Variants in CMIP observed in about 807,000 individuals in gnomAD.
CMIP encodes the protein C-Maf-inducing protein.
A neutral mutation model predicts 97.3 loss-of-function variants in CMIP; 13 were observed. The ratio of observed to expected loss-of-function variants is 0.13; its 90% confidence interval spans 0.09 to 0.21. The LOEUF is 0.21. Ranked by LOEUF, CMIP falls within the 10% of genes least tolerant of loss-of-function variation. CMIP has a pLI of 1.00. For missense variants in CMIP, 847 were observed against 1,024.9 expected (o/e 0.83, Z 2.37); for synonymous variants, 538 against 436.3 (o/e 1.23, Z -2.91).
At chr16:81,513,975 C>T (rs1419665214) in intron 1 of CMIP, among the ~76,000 whole-genome samples, 2 of 152,134 alleles carry the variant, frequency 1.3e-5, no homozygotes, top group Non-Finnish European at 1.5e-5. Context: ...GTGTTTTGAC[C>T]CCAAAACAGA....
At chr16:81,524,490 G>A (rs1029742793) in intron 1 of CMIP, among the ~76,000 whole-genome samples, 1 of 152,252 alleles carries the variant, frequency 6.6e-6, no homozygotes, top group African/African-American at 2.4e-5. Flanking sequence ...AAGCTCGTGG[G>A]GTTATCTGGA....
chr16:81,673,158 A>C (rs1331228905), intron 9 of CMIP, among the ~76,000 whole-genome samples: 2 of 152,036 alleles, frequency 1.3e-5, no homozygotes, highest in Non-Finnish European at 2.9e-5. Flanking sequence ...GTGGCTTCCT[A>C]GGAAGGTGGT....
intron 18 of CMIP, 132 bp from the exon 19 acceptor site, chr16:81,705,367 C>T: frequency 1.6e-6 from 1 of 641,186 alleles, no homozygotes; most frequent in Non-Finnish European, 2.7e-6. Flanking sequence ...CAGCCCAGAC[C>T]CCAGGGCTTG....
At chr16:81,496,692 T>C (rs547721416) in intron 1 of CMIP, among the ~76,000 whole-genome samples, 10 of 152,334 alleles carry the variant, frequency 6.6e-5, no homozygotes, top group African/African-American at 2.4e-4. Flanking sequence ...AGAAGGTTCA[T>C]AAAGGCACAC....
chr16:81,711,128 T>C lies in CMIP; in HGVS notation c.*1329T>C, dbSNP rs1364324011. 9 of 152,264 alleles carry C rather than the reference T, an allele frequency of 5.9e-5. No homozygotes were observed. Among genetic ancestry groups the C allele is most frequent in the African/African-American group, 2.2e-4 (9 of 41,320 alleles). 9.4% of individuals were successfully genotyped at this position (152,264 alleles called of 1,614,324 possible). On this transcript the variant is annotated 3_prime_UTR_variant, in exon 21 of 21. Coordinates refer to ENST00000537098, the MANE Select transcript of CMIP (RefSeq NM_198390.3). ...GTTTCTTTTATAAACAGTCGGCTTT[T>C]TCTTAATAAGCCCTCACTGTACAGA...
chr16:81,638,607 C>G (rs1036469650), intron 3 of CMIP, among the ~76,000 whole-genome samples: 1 of 152,104 alleles, frequency 6.6e-6, no homozygotes, highest in African/African-American at 2.4e-5. Context: ...CCTCTCCCCC[C>G]TCTCCCTTCT....
intron 1 of CMIP, among the ~76,000 whole-genome samples, chr16:81,597,391 C>T (rs531325830): frequency 6.6e-6 from 1 of 152,316 alleles, no homozygotes; most frequent in African/African-American, 2.4e-5. Flanking sequence ...AAGGCCAGGG[C>T]GTGAAGTCCA....
chr16:81,684,083 C>A (rs188174126), intron 10 of CMIP, among the ~76,000 whole-genome samples: 3 of 152,308 alleles, frequency 2.0e-5, no homozygotes, highest in Non-Finnish European at 4.4e-5. Context: ...TTAAACTGCT[C>A]ATTCCTGGAG....
At chr16:81,625,283 A>C (rs2092046258) in intron 3 of CMIP, among the ~76,000 whole-genome samples, 1 of 152,274 alleles carries the variant, frequency 6.6e-6, no homozygotes, top group Non-Finnish European at 1.5e-5. Context: ...CAGAAGCTGC[A>C]GTCCTGAGGG....
intron 1 of CMIP, among the ~76,000 whole-genome samples, chr16:81,538,014 A>ACC (rs1230185821): frequency 6.6e-6 from 1 of 152,236 alleles, no homozygotes; most frequent in Non-Finnish European, 1.5e-5. Context: ...GTTTCCACTC[A>ACC]CCAGGGGCTT....
chr16:81,652,662 A>G lies in CMIP; in HGVS notation c.639+298A>G, dbSNP rs974325549. Reference sequence around the variant, plus strand: ...CTCTGTCTTCCCCTAGCAGTGGCCCACATGAGCTCCAGGGGTCCAGGGGGA... The same window carrying G: ...CTCTGTCTTCCCCTAGCAGTGGCCCGCATGAGCTCCAGGGGTCCAGGGGGA... On this transcript the variant is annotated intron_variant, in intron 4 of 20. Coordinates refer to ENST00000537098, the MANE Select transcript of CMIP (RefSeq NM_198390.3). This position sits in a 1 kb window ranked among gnomAD's most constrained non-coding sequence, Gnocchi z 5.2. Among the ~76,000 whole-genome samples the G allele has an allele frequency of 6.6e-6, 1 of 152,140 alleles. No individual in the cohort carries two copies. The highest frequency in any genetic ancestry group is 2.4e-5 in the African/African-American group (1 of 41,436).
At chr16:81,659,181 T>C (rs1221099583) in intron 5 of CMIP, among the ~76,000 whole-genome samples, 1 of 152,220 alleles carries the variant, frequency 6.6e-6, no homozygotes, top group African/African-American at 2.4e-5. Flanking sequence ...TAGTATTAAT[T>C]CATCAATTCA....
rs377526527 is a variant in CMIP, at chr16:81,642,771, C to T, written c.478-9432C>T. On this transcript the variant is annotated intron_variant, in intron 3 of 20. Coordinates refer to ENST00000537098, the MANE Select transcript of CMIP (RefSeq NM_198390.3). ...CTTAGCCAGGCGTGGTGGCGGGCGC[C>T]TGTAGTCCCAGCTACTCGGGAGGCG... Among the ~76,000 whole-genome samples, 66 of 152,334 alleles carry T rather than the reference C, an allele frequency of 4.3e-4. No individual in the cohort carries two copies. The South Asian group carries it at 0.012, about 27-fold the overall frequency.
chr16:81,580,172 C>T (rs1212139860), intron 1 of CMIP, among the ~76,000 whole-genome samples: 2 of 152,162 alleles, frequency 1.3e-5, no homozygotes, highest in Admixed American at 6.5e-5. Context: ...AGCTCCCATT[C>T]CTAATCTCCA....
At chr16:81,513,999 G>A (rs774098291) in intron 1 of CMIP, among the ~76,000 whole-genome samples, 7 of 151,654 alleles carry the variant, frequency 4.6e-5, no homozygotes, top group Non-Finnish European at 7.4e-5. Flanking sequence ...TGGGGTTTCC[G>A]TTGTGGTTGC....
chr16:81,692,821 G>A lies in CMIP; in HGVS notation c.1455-337G>A, dbSNP rs146724810. Among the ~76,000 whole-genome samples the A allele has an allele frequency of 9.8e-4, 150 of 152,324 alleles. 1 individual carries two copies. The highest frequency in any genetic ancestry group is 3.5e-3 in the African/African-American group (147 of 41,566). ...ATGAGTGCCGCCCGCCTTAATCGTG[G>A]AACAATTAATGAACACACCTGGGTC... On this transcript the variant is annotated intron_variant, in intron 11 of 20. Coordinates refer to ENST00000537098, the MANE Select transcript of CMIP (RefSeq NM_198390.3).
intron 2 of CMIP, among the ~76,000 whole-genome samples, chr16:81,615,136 TGTC>T (rs1378181375): frequency 2.0e-5 from 3 of 151,340 alleles, no homozygotes; most frequent in African/African-American, 7.3e-5. Context: ...TGTGTATGTA[TGTC>T]TGTGTGATGT....
chr16:81,489,386 G>T lies in CMIP; in HGVS notation c.300+43845G>T, dbSNP rs142564484. 6.9e-3 allele frequency among the ~76,000 whole-genome samples: 1,057 copies of T among 152,306 alleles called. 15 individuals carry two copies. Among genetic ancestry groups the T allele is most frequent in the African/African-American group, 0.024 (1,004 of 41,560 alleles). On this transcript the variant is annotated intron_variant, in intron 1 of 20. Transcript: ENST00000537098. ...CAGAGGCTCCAGGCCCTGAGGAAAGGAGTACCACAATACACTGGTACTTTT... is the reference window on the plus strand; with the variant it reads ...CAGAGGCTCCAGGCCCTGAGGAAAGTAGTACCACAATACACTGGTACTTTT...
chr16:81,682,339 C>T (rs527904294), intron 10 of CMIP, among the ~76,000 whole-genome samples: 41 of 152,208 alleles, frequency 2.7e-4, no homozygotes, highest in Admixed American at 1.9e-3. Flanking sequence ...CCAAGGCATG[C>T]GGATCACCTG....
Sources: gnomAD v4.1 joint callset for allele counts (sites outside exome capture counted in the v4.1 genomes callset) on GRCh38, gnomAD v4.1.1 for gene constraint, Gnocchi (gnomAD v3.1) non-coding constraint, MANE v1.5 for transcripts, NCBI Gene and HGNC (gene_info 2026-07-23, HGNC 2026-07-21) for gene names.